PRUNE2: variants seen among roughly 807,000 people sequenced by gnomAD.
PRUNE2 encodes prune homolog 2 with BCH domain.
PRUNE2 carries 164 observed loss-of-function variants against 252.0 expected under a neutral mutation model. The observed-to-expected ratio is 0.65, with a 90% CI of 0.57 to 0.74. PRUNE2 has a LOEUF of 0.74. Ranked by LOEUF, PRUNE2 falls within the 30% of genes least tolerant of loss-of-function variation. The pLI is 0.00. For synonymous variants in PRUNE2, 1,292 were observed against 1,350.2 expected, an observed-to-expected ratio of 0.96 and a Z score of 0.94; for missense variants, 3,495 against 3,711.0, an observed-to-expected ratio of 0.94 and a Z score of 1.51.
chr9:76,676,464 A>G (rs898920801), intron 9 of PRUNE2, among the ~76,000 whole-genome samples: 1 of 152,184 alleles, frequency 6.6e-6, no homozygotes, highest in Non-Finnish European at 1.5e-5. Flanking sequence ...TACTATTTCC[A>G]TAAAATTATA....
rs1003457965 is a variant in PRUNE2 at position 76,789,973 on chromosome 9, G to T, written c.756+33659C>A. Among the ~76,000 whole-genome samples, 6 of 152,142 alleles carry T rather than the reference G, an allele frequency of 3.9e-5. 1 individual carries two copies. The highest frequency in any genetic ancestry group is 1.3e-4 in the Admixed American group (2 of 15,266). ...CAACCCCCTCTTTATCATGAACAAG[G>T]GTCAAAAAGCAAAGGTAGTAGGGGT... On this transcript the variant is annotated intron_variant, in intron 6 of 18. Coordinates refer to ENST00000376718, the MANE Select transcript of PRUNE2 (RefSeq NM_015225.3).
intron 9 of PRUNE2, among the ~76,000 whole-genome samples, chr9:76,663,015 G>A (rs956794313): frequency 6.6e-6 from 1 of 152,190 alleles, no homozygotes; most frequent in Non-Finnish European, 1.5e-5. Context: ...TGGGCTGGAG[G>A]ACTGCCATTT....
Position 76,705,598 on chromosome 9 carries a change from G to C in PRUNE2, c.6676C>G (p.Pro2226Ala). Residue 2226 changes from proline to alanine, a missense_variant, in exon 8 of 19, where the codon CCA (proline) becomes GCA (alanine). Transcript: ENST00000376718. ...CTAGTTGCCACATTTTCAATCCTTG[G>C]GATTCTTCTGTCAACTGGTTCCAAA... Reference protein sequence around the residue: ...PILEPVDRRIPRIENVATSIF... With the variant: ...PILEPVDRRIARIENVATSIF... 6.2e-7 allele frequency: 1 copy of C among 1,613,958 alleles called. No homozygotes were observed.
intron 6 of PRUNE2, among the ~76,000 whole-genome samples, chr9:76,789,384 G>A (rs2055335338): frequency 1.3e-5 from 2 of 152,164 alleles, no homozygotes; most frequent in Admixed American, 6.5e-5. Flanking sequence ...GTAGATCATG[G>A]AGCCAAGACT....
At chr9:76,694,140 A>G (rs1307146354) in intron 9 of PRUNE2, among the ~76,000 whole-genome samples, 1 of 152,116 alleles carries the variant, frequency 6.6e-6, no homozygotes, top group Non-Finnish European at 1.5e-5. Flanking sequence ...AGGCTACAGA[A>G]CAGACACTGT....
Position 76,709,251 on chromosome 9 carries a change from G to A in PRUNE2, c.3023C>T (p.Thr1008Ile). Residue 1008 changes from threonine (T) to isoleucine (I), a missense_variant, in exon 8 of 19, where the codon ACT (threonine) becomes ATT (isoleucine). Coordinates refer to ENST00000376718, the MANE Select transcript of PRUNE2 (RefSeq NM_015225.3). ...SKDGNSTAEETDIPPQSLQQS... is the reference protein window; with the variant it reads ...SKDGNSTAEEIDIPPQSLQQS... ...TTGCAGTGACTGAGGAGGAATGTCA[G>A]TCTCCTCTGCCGTGGAGTTACCATC... is the stretch of plus-strand genomic sequence containing the variant. 1 of 1,613,862 alleles carries A rather than the reference G, an allele frequency of 6.2e-7. No homozygotes were observed. The highest frequency in any genetic ancestry group is 1.7e-4 in the Middle Eastern group (1 of 6,060).
At chr9:76,746,735 A>AC (rs2050156929) in intron 6 of PRUNE2, among the ~76,000 whole-genome samples, 1 of 128,960 alleles carries the variant, frequency 7.8e-6, no homozygotes, top group Non-Finnish European at 1.7e-5. Flanking sequence ...AAAAAAAAAA[A>AC]AAAAAACCCC....
intron 6 of PRUNE2, among the ~76,000 whole-genome samples, chr9:76,731,568 T>TC (rs1280381702): frequency 3.3e-5 from 5 of 152,080 alleles, no homozygotes; most frequent in African/African-American, 7.2e-5. Context: ...ACTCAAGTGA[T>TC]CCCCCCATCT....
chr9:76,884,339 A>G (rs2061966808), intron 1 of PRUNE2, among the ~76,000 whole-genome samples: 1 of 152,222 alleles, frequency 6.6e-6, no homozygotes, highest in Non-Finnish European at 1.5e-5. Context: ...CTGAAGAACT[A>G]GAAAAATAGC....
At chr9:76,784,536 GT>G (rs1262329113) in intron 6 of PRUNE2, 1 of 152,134 alleles carries the variant, frequency 6.6e-6, no homozygotes, top group Non-Finnish European at 1.5e-5. Context: ...GATCTCTACG[GT>G]TCCTTCTGGG....
At chr9:76,781,105 A>G (rs1246147364) in intron 6 of PRUNE2, among the ~76,000 whole-genome samples, 3 of 152,212 alleles carry the variant, frequency 2.0e-5, no homozygotes, top group Non-Finnish European at 2.9e-5. Flanking sequence ...TTTTTCTACT[A>G]CATTTTGACT....
intron 6 of PRUNE2, among the ~76,000 whole-genome samples, chr9:76,774,223 C>G (rs929781688): frequency 6.6e-6 from 1 of 152,010 alleles, no homozygotes; most frequent in African/African-American, 2.4e-5. Flanking sequence ...GCAGCCTCAA[C>G]CTCCTAGGCT....
chr9:76,709,915 C>T lies in PRUNE2; in HGVS notation c.2359G>A (p.Asp787Asn), dbSNP rs1482019696. 3 of 1,613,750 alleles carry T rather than the reference C, an allele frequency of 1.9e-6. No individual in the cohort carries two copies. The highest frequency in any genetic ancestry group is 2.2e-5 in the South Asian group (2 of 91,068). Reference protein sequence around the residue: ...AMPEPWGNPTDDGEPAAVAPF... With the variant: ...AMPEPWGNPTNDGEPAAVAPF... The stretch of plus-strand genomic sequence containing the variant: ...GCCACAGCTGCTGGTTCACCATCAT[C>T]TGTAGGATTTCCCCAGGGCTCGGGC... The change falls in exon 8 of 19, where the codon GAT (aspartate) becomes AAT (asparagine). Residue 787 changes from aspartate to asparagine, a missense_variant. Coordinates refer to ENST00000376718, the MANE Select transcript of PRUNE2 (RefSeq NM_015225.3).
intron 6 of PRUNE2, among the ~76,000 whole-genome samples, chr9:76,803,607 G>C (rs2056720569): frequency 1.3e-5 from 2 of 152,082 alleles, no homozygotes; most frequent in South Asian, 2.1e-4. Flanking sequence ...ATCTCAGAGA[G>C]GGTTCAGCCT....
intron 4 of PRUNE2, among the ~76,000 whole-genome samples, chr9:76,832,097 A>G (rs1159585840): frequency 6.6e-6 from 1 of 152,214 alleles, no homozygotes; most frequent in Non-Finnish European, 1.5e-5. Flanking sequence ...CTAATAGCAT[A>G]GCTTCTAAAT....
chr9:76,854,770 G>C lies in PRUNE2; in HGVS notation c.37-562C>G, dbSNP rs1364268198. ...AAATAAAAATTAATTGTTCTTAAAA[G>C]GTGTATATAGTCAGCCGGGCGTGGT... is the stretch of plus-strand genomic sequence containing the variant. On this transcript the variant is annotated intron_variant, in intron 1 of 18. Coordinates refer to ENST00000376718, the MANE Select transcript of PRUNE2 (RefSeq NM_015225.3). 6.6e-5 allele frequency among the ~76,000 whole-genome samples: 10 copies of C among 151,940 alleles called. No homozygotes were observed. The East Asian group carries it at 1.7e-3, about 26-fold the overall frequency.
At chr9:76,901,325 T>C (rs987861455) in intron 1 of PRUNE2, among the ~76,000 whole-genome samples, 1 of 152,118 alleles carries the variant, frequency 6.6e-6, no homozygotes, top group Non-Finnish European at 1.5e-5. Context: ...TCATAAATGC[T>C]CTGGCAAGAG....
intron 3 of PRUNE2, 142 bp from the exon 4 acceptor site, chr9:76,846,820 G>T: frequency 1.6e-6 from 1 of 632,646 alleles, no homozygotes; most frequent in Non-Finnish European, 2.7e-6. Flanking sequence ...CTCAGAAGAC[G>T]GGAGCCTTAT....
At position 76,850,087 on chromosome 9, in the gene PRUNE2, C is replaced by G. The variant is rs182361149; in HGVS notation, c.344+376G>C. ...TTTTTTTGAAACAGTCTCACTCTTT[C>G]ATCCAGGCTGGAGTGCAGTGGTGCG... On this transcript the variant is annotated intron_variant, in intron 3 of 18. Transcript: ENST00000376718. 1.7e-3 allele frequency among the ~76,000 whole-genome samples: 253 copies of G among 152,130 alleles called. 1 individual carries two copies. Among genetic ancestry groups the G allele is most frequent in the Middle Eastern group, 3.4e-3 (1 of 294 alleles).
Sources: gnomAD v4.1 joint callset for allele counts (sites outside exome capture counted in the v4.1 genomes callset) on GRCh38, gnomAD v4.1.1 for gene constraint, MANE v1.5 for transcripts, NCBI Gene and HGNC (gene_info 2026-07-23, HGNC 2026-07-21) for gene names.